The following IL22RA1 variants were observed in gnomAD, a reference collection of about 807,000 sequenced individuals.
The protein encoded by IL22RA1 is interleukin 22 receptor subunit alpha 1.
In IL22RA1, 25 loss-of-function variants were observed where a neutral mutation model predicts 32.8. That is an observed-to-expected ratio of 0.76 (90% CI 0.55 to 1.06). IL22RA1 has a LOEUF of 1.06. IL22RA1 is among the 50% of genes least tolerant of loss of function. IL22RA1 has a pLI of 0.00. For missense variants in IL22RA1, 709 were observed against 727.4 expected (o/e 0.97, Z 0.29); for synonymous variants, 305 against 305.0 (o/e 1.00, Z 0.00).
intron 4 of IL22RA1, among the ~76,000 whole-genome samples, chr1:24,128,532 T>TAC (rs1553159812): frequency 6.9e-6 from 1 of 145,806 alleles, no homozygotes; most frequent in South Asian, 2.1e-4. Flanking sequence ...GTTATATACA[T>TAC]ATATATATAT....
chr1:24,123,433 C>G lies in IL22RA1; in HGVS notation c.671-10G>C. The G allele has an allele frequency of 3.7e-6, 6 of 1,611,886 alleles. No individual in the cohort carries two copies. The highest frequency in any genetic ancestry group is 5.1e-6 in the Non-Finnish European group (6 of 1,179,072). ...TAGGTCCATGTCCGGTCTGGGAAAC[C>G]AAAGGGGCCAGAGAAGGAAGCGTGA... On this transcript the variant is annotated splice_polypyrimidine_tract_variant and intron_variant, in intron 5 of 6. Coordinates refer to ENST00000270800, the MANE Select transcript of IL22RA1 (RefSeq NM_021258.4).
chr1:24,142,401 C>T lies in IL22RA1; in HGVS notation c.43+639G>A, dbSNP rs540546714. ...GTCTAGGGTCTCATGTAACGTTCTCCATAATGATGAGCCCCCCACTCCGCT... is the reference window on the plus strand; with the variant it reads ...GTCTAGGGTCTCATGTAACGTTCTCTATAATGATGAGCCCCCCACTCCGCT... On this transcript the variant is annotated intron_variant, in intron 1 of 6. Transcript: ENST00000270800. Among the ~76,000 whole-genome samples the T allele has an allele frequency of 2.6e-5, 4 of 152,348 alleles. No individual in the cohort carries two copies. In the East Asian group the frequency reaches 7.7e-4, roughly 29 times the overall value.
At chr1:24,121,779 A>G in intron 6 of IL22RA1, 42 bp from the exon 7 acceptor site, 1 of 1,421,994 alleles carries the variant, frequency 7.0e-7, no homozygotes, top group South Asian at 1.6e-5. Context: ...TGGTTAGGGT[A>G]AGTCCCAAGC....
intron 4 of IL22RA1, 106 bp downstream of exon 4, chr1:24,134,105 C>T (rs1557629954): frequency 1.1e-6 from 1 of 916,886 alleles, no homozygotes; most frequent in Non-Finnish European, 1.6e-6. Context: ...TTGGGAAATG[C>T]TAATTTACAT....
intron 3 of IL22RA1, 120 bp downstream of exon 3, chr1:24,137,011 C>T (rs1644246973): frequency 1.1e-6 from 1 of 914,044 alleles, no homozygotes; most frequent in South Asian, 1.8e-5. Flanking sequence ...CTGCCCCTCC[C>T]CTTGCAGAGA....
intron 2 of IL22RA1, among the ~76,000 whole-genome samples, chr1:24,138,317 A>G (rs1474746430): frequency 6.6e-6 from 1 of 152,234 alleles, no homozygotes; most frequent in Non-Finnish European, 1.5e-5. Context: ...GGAGAAACTG[A>G]GGCTTCGTGA....
rs1569580427 is a variant in IL22RA1 at position 24,137,442 on chromosome 1, A to G, written c.177-133T>C. 20 of 697,492 alleles carry G rather than the reference A, an allele frequency of 2.9e-5. No homozygotes were observed. In the East Asian group the frequency reaches 5.5e-4, roughly 19 times the overall value. 43.2% of individuals were successfully genotyped at this position (697,492 alleles called of 1,614,324 possible). A position where few individuals can be genotyped will look rare whatever the true frequency, so the allele number is the denominator to read the frequency against. ...GTGGCCCAGGCCCTTTATGCGAATG[A>G]TCTCATTTTGTTCTCACAATGATTC... On this transcript the variant is annotated intron_variant, in intron 2 of 6. Transcript: ENST00000270800.
At chr1:24,139,444 A>G (rs1359613709) in intron 1 of IL22RA1, among the ~76,000 whole-genome samples, 2 of 152,194 alleles carry the variant, frequency 1.3e-5, no homozygotes, top group African/African-American at 4.8e-5. Context: ...TGTCTTGGGT[A>G]TATATCTAAG....
chr1:24,132,977 G>A (rs1330174330), intron 4 of IL22RA1, among the ~76,000 whole-genome samples: 2 of 151,780 alleles, frequency 1.3e-5, no homozygotes, highest in Admixed American at 6.6e-5. Context: ...TGAACAATCT[G>A]AGCAAGTGAC....
intron 1 of IL22RA1, among the ~76,000 whole-genome samples, chr1:24,142,596 T>A (rs1219002817): frequency 2.6e-5 from 4 of 152,108 alleles, no homozygotes; most frequent in Non-Finnish European, 5.9e-5. Context: ...AGGGAGGCAA[T>A]AGTGAACTCA....
intron 5 of IL22RA1, 159 bp from the exon 6 acceptor site, chr1:24,123,582 T>A: frequency 7.1e-7 from 1 of 1,417,766 alleles, no homozygotes; most frequent in Non-Finnish European, 9.3e-7. Context: ...GAAGTCCATA[T>A]ACTGTACATC....
At position 24,142,661 on chromosome 1, in the gene IL22RA1, G is replaced by A. The variant is rs548662880; in HGVS notation, c.43+379C>T. Among the ~76,000 whole-genome samples the A allele has an allele frequency of 3.4e-4, 52 of 152,352 alleles. 2 individuals are homozygous for A. In the South Asian group the frequency reaches 9.9e-3, roughly 29 times the overall value. On this transcript the variant is annotated intron_variant, in intron 1 of 6. Coordinates refer to ENST00000270800, the MANE Select transcript of IL22RA1 (RefSeq NM_021258.4). ...CTCCCCTGTCAGGCCAGTGCCAAGTGAGAGGCAGAGGAAGGATGGTACAAA... is the reference window on the plus strand; with the variant it reads ...CTCCCCTGTCAGGCCAGTGCCAAGTAAGAGGCAGAGGAAGGATGGTACAAA...
intron 3 of IL22RA1, chr1:24,134,816 G>A: frequency 2.0e-6 from 2 of 981,238 alleles, no homozygotes; most frequent in Non-Finnish European, 2.4e-6. Context: ...TATTGATGCA[G>A]CCTCAAAGAT....
chr1:24,126,570 C>T (rs1393662873), intron 5 of IL22RA1, among the ~76,000 whole-genome samples: 3 of 152,226 alleles, frequency 2.0e-5, no homozygotes, highest in Non-Finnish European at 2.9e-5. Context: ...CGGTACTTCT[C>T]TTTCCACTAT....
In IL22RA1 at chr1:24,134,235, G is replaced by C; in HGVS notation, c.507C>G (p.Leu169=). 1 of 1,611,656 alleles carries C rather than the reference G, an allele frequency of 6.2e-7. No homozygotes were observed. The highest frequency in any genetic ancestry group is 8.5e-7 in the Non-Finnish European group (1 of 1,178,836). The change falls in exon 4 of 7, where the codon CTC becomes CTG. Residue 169 remains leucine, a synonymous_variant. Coordinates refer to ENST00000270800, the MANE Select transcript of IL22RA1 (RefSeq NM_021258.4). ...CCATTTGGTAGGTGCGGTTGACCTG[G>C]AGCTCTAAGTGGTAGAACAGGTCAT... The part of the protein sequence containing the change: ...IFHDLFYHLE[L]QVNRTYQMHL...
Position 24,137,193 on chromosome 1 carries a change from GC to G in IL22RA1, c.292del (p.Ala98LeufsTer12). 1 of 1,614,158 alleles carries G rather than the reference GC, an allele frequency of 6.2e-7. No homozygotes were observed. ...LTELYYARVT[A>X]VSAGGRSATK... ...GGCTGACCGGCCTCCCGCACTGACAGCGGTGACCCTGGCATAGTAGAGCTCC... is the reference window on the plus strand; with the variant it reads ...GGCTGACCGGCCTCCCGCACTGACAGGGTGACCCTGGCATAGTAGAGCTCC... On this transcript the variant is annotated frameshift_variant, in exon 3 of 7. Transcript: ENST00000270800. LOFTEE classifies it high-confidence loss of function.
chr1:24,121,292 T>A lies in IL22RA1; in HGVS notation c.1238A>T (p.Asp413Val). 1 of 1,613,116 alleles carries A rather than the reference T, an allele frequency of 6.2e-7. No homozygotes were observed. Among genetic ancestry groups the A allele is most frequent in the South Asian group, 1.1e-5 (1 of 90,994 alleles). Residue 413 changes from aspartate to valine, a missense_variant, in exon 7 of 7, where the codon GAC (aspartate) becomes GTC (valine). Asp to Val is a radical substitution (Grantham distance 152). Coordinates refer to ENST00000270800, the MANE Select transcript of IL22RA1 (RefSeq NM_021258.4). ...YGVCMEGSGK[D>V]SPTGTLSSPK... ...ACTAGAAAGTGTCCCAGTGGGGGAGTCTTTGCCAGAACCTTCCATGCATAC... is the reference window on the plus strand; with the variant it reads ...ACTAGAAAGTGTCCCAGTGGGGGAGACTTTGCCAGAACCTTCCATGCATAC...
rs1047781986 is a variant in IL22RA1 at position 24,120,512 on chromosome 1, T to C, written c.*293A>G. On this transcript the variant is annotated 3_prime_UTR_variant, in exon 7 of 7. Coordinates refer to ENST00000270800, the MANE Select transcript of IL22RA1 (RefSeq NM_021258.4). ...GGGCTCTGGACCTCGGGAGTTTCCCTGCATTTCCTCCTTGCACTGTCATTT... is the reference window on the plus strand; with the variant it reads ...GGGCTCTGGACCTCGGGAGTTTCCCCGCATTTCCTCCTTGCACTGTCATTT... 1 of 345,426 alleles carries C rather than the reference T, an allele frequency of 2.9e-6. No homozygotes were observed. The highest frequency in any genetic ancestry group is 8.5e-5 in the South Asian group (1 of 11,798). 21.4% of individuals were successfully genotyped at this position (345,426 alleles called of 1,614,324 possible).
At chr1:24,139,593 G>A (rs1644266949) in intron 1 of IL22RA1, among the ~76,000 whole-genome samples, 1 of 152,136 alleles carries the variant, frequency 6.6e-6, no homozygotes, top group Non-Finnish European at 1.5e-5. Context: ...GAGTGCAGTG[G>A]CGTGATCATG....
Sources: gnomAD v4.1 joint callset for allele counts (sites outside exome capture counted in the v4.1 genomes callset) on GRCh38, gnomAD v4.1.1 for gene constraint, MANE v1.5 for transcripts, NCBI Gene and HGNC (gene_info 2026-07-23, HGNC 2026-07-21) for gene names.